Variants in RYR3 observed in about 807,000 individuals in gnomAD.
RYR3 encodes brain ryanodine receptor-calcium release channel.
Under a neutral mutation model 584.3 loss-of-function variants are expected in RYR3, and 207 were observed. That is an observed-to-expected ratio of 0.35 (90% CI 0.32 to 0.40). The LOEUF (loss-of-function observed/expected upper bound fraction) is 0.40. Among genes scored for constraint, RYR3 ranks in the 10% least tolerant of loss-of-function variants. The pLI is 1.00. For missense variants in RYR3, 5,616 were observed against 6,089.2 expected (o/e 0.92, Z 2.59); for synonymous variants, 2,416 against 2,248.5 (o/e 1.07, Z -2.11).
chr15:33,813,988 T>G (rs944898022), intron 74 of RYR3, among the ~76,000 whole-genome samples: 14 of 152,258 alleles, frequency 9.2e-5, no homozygotes, highest in African/African-American at 2.2e-4. Context: ...ACACTGAAAT[T>G]ACCATTTCCT....
intron 91 of RYR3, 69 bp downstream of exon 91, chr15:33,842,104 G>T (rs140041680): frequency 6.7e-7 from 1 of 1,493,566 alleles, no homozygotes; most frequent in Non-Finnish European, 9.1e-7. Context: ...GAGAGGTGCC[G>T]CTGATTTGTT....
intron 1 of RYR3, among the ~76,000 whole-genome samples, chr15:33,345,135 A>C (rs1972292189): frequency 6.6e-6 from 1 of 152,050 alleles, no homozygotes; most frequent in Admixed American, 6.5e-5. Context: ...GAAGTAACTG[A>C]GATAGAGTTG....
At chr15:33,391,732 A>C (rs1271325933) in intron 1 of RYR3, among the ~76,000 whole-genome samples, 4 of 152,104 alleles carry the variant, frequency 2.6e-5, no homozygotes, top group Non-Finnish European at 5.9e-5. Context: ...TTTGACTCCC[A>C]AAAGAAATTG....
Position 33,726,386 on chromosome 15 carries a change from C to T in RYR3, c.6913C>T (p.Leu2305Phe). The change falls in exon 46 of 104, where the codon CTC becomes TTC. Residue 2305 changes from leucine (L) to phenylalanine (F), a missense_variant and splice_region_variant. This residue lies in a region of RYR3 where 1,280 missense variants were observed against 1,426.2 expected (regional missense o/e 0.90). Transcript: ENST00000634891. ...TGTCATTCTCAACCCTATCTTCCAGCTCATCCAGACAGGAAAGGGGGAAGC... is the reference window on the plus strand; with the variant it reads ...TGTCATTCTCAACCCTATCTTCCAGTTCATCCAGACAGGAAAGGGGGAAGC... ...LLGRCAPEMH[L>F]IQTGKGEAIR... 1.9e-6 allele frequency: 3 copies of T among 1,613,058 alleles called. No homozygotes were observed. The highest frequency in any genetic ancestry group is 2.5e-6 in the Non-Finnish European group (3 of 1,179,572).
chr15:33,441,681 T>G (rs1016405290), intron 1 of RYR3, among the ~76,000 whole-genome samples: 5 of 152,208 alleles, frequency 3.3e-5, no homozygotes, highest in African/African-American at 1.2e-4. Context: ...TCCCTAGAAG[T>G]TCATTGTTTA....
At position 33,762,312 on chromosome 15, in the gene RYR3, A is replaced by G. The variant is rs539131411; in HGVS notation, c.8705+4716A>G. 5.3e-5 allele frequency among the ~76,000 whole-genome samples: 8 copies of G among 152,306 alleles called. No individual in the cohort carries two copies. The South Asian group carries it at 1.7e-3, about 32-fold the overall frequency. ...ATTCAAATTGGAAGAGAGAAAGGCA[A>G]ATCATCTCTGTTTGCAGATGACATG... On this transcript the variant is annotated intron_variant, in intron 60 of 103. Coordinates refer to ENST00000634891, the MANE Select transcript of RYR3 (RefSeq NM_001036.6).
intron 89 of RYR3, among the ~76,000 whole-genome samples, chr15:33,840,122 C>T (rs1332092626): frequency 1.3e-5 from 2 of 152,174 alleles, no homozygotes; most frequent in Non-Finnish European, 1.5e-5. Context: ...GTAGGCCCAA[C>T]AGAAATAGGT....
chr15:33,745,310 G>T (rs751380818), intron 52 of RYR3, among the ~76,000 whole-genome samples: 2 of 151,732 alleles, frequency 1.3e-5, no homozygotes, highest in African/African-American at 4.8e-5. Context: ...TTCTGCGCTG[G>T]AAGTACTGAT....
chr15:33,630,989 A>C (rs1341687753), intron 22 of RYR3, among the ~76,000 whole-genome samples: 1 of 152,176 alleles, frequency 6.6e-6, no homozygotes, highest in Non-Finnish European at 1.5e-5. Context: ...CATATTGCCT[A>C]TGGCTGGCTT....
intron 42 of RYR3, among the ~76,000 whole-genome samples, chr15:33,702,772 A>G (rs1315603648): frequency 1.3e-5 from 2 of 152,146 alleles, no homozygotes; most frequent in African/African-American, 4.8e-5. Flanking sequence ...GAGGACCACC[A>G]GCATATTTAA....
chr15:33,399,422 C>T (rs1324878362), intron 1 of RYR3, among the ~76,000 whole-genome samples: 1 of 152,046 alleles, frequency 6.6e-6, no homozygotes. Flanking sequence ...GGGAGGATCT[C>T]GAGGTCAGGA....
chr15:33,590,875 G>A (rs2059098133), intron 16 of RYR3, among the ~76,000 whole-genome samples: 1 of 151,972 alleles, frequency 6.6e-6, no homozygotes, highest in Non-Finnish European at 1.5e-5. Context: ...TACATATAAT[G>A]GTAGCAATTA....
Position 33,765,494 on chromosome 15 carries a change from A to T in RYR3, c.8706-3164A>T, listed in dbSNP as rs139888022. Among the ~76,000 whole-genome samples, 400 of 151,906 alleles carry T rather than the reference A, an allele frequency of 2.6e-3. 3 individuals are homozygous for T. Among genetic ancestry groups the T allele is most frequent in the African/African-American group, 9.1e-3 (377 of 41,442 alleles). On this transcript the variant is annotated intron_variant, in intron 60 of 103. Transcript: ENST00000634891. ...CTAAAAATACAAAAGTTAGCCGGGC[A>T]TGGTAGCACACACCTGTAGTCCCAG...
At chr15:33,827,035 G>T (rs577779619) in intron 84 of RYR3, among the ~76,000 whole-genome samples, 164 bp from the exon 85 acceptor site, 25 of 152,268 alleles carry the variant, frequency 1.6e-4, no homozygotes, top group South Asian at 4.2e-4. Flanking sequence ...GGTTGGGGGG[G>T]TGCTCAGAGC....
intron 64 of RYR3, among the ~76,000 whole-genome samples, chr15:33,779,288 G>A (rs1383867920): frequency 6.6e-6 from 1 of 151,896 alleles, no homozygotes; most frequent in East Asian, 1.9e-4. Flanking sequence ...GTGCAATGGT[G>A]TGATCTCAAG....
At chr15:33,778,365 T>C (rs7174824) in intron 64 of RYR3, among the ~76,000 whole-genome samples, 5,515 of 152,234 alleles carry the variant, frequency 0.036, 329 homozygotes, top group African/African-American at 0.13. Flanking sequence ...TTTCTCCTCA[T>C]TGGCCACTGT....
intron 10 of RYR3, among the ~76,000 whole-genome samples, chr15:33,561,626 G>A (rs2057403213): frequency 6.6e-6 from 1 of 152,134 alleles, no homozygotes; most frequent in Admixed American, 6.5e-5. Context: ...TTAAGAATGA[G>A]AAGAATGTGG....
intron 1 of RYR3, among the ~76,000 whole-genome samples, chr15:33,399,907 C>A: frequency 6.6e-6 from 1 of 152,058 alleles, no homozygotes; most frequent in Non-Finnish European, 1.5e-5. Context: ...CTAGGTAGGA[C>A]AGACATAGAA....
chr15:33,567,705 C>T (rs966567054), intron 12 of RYR3, among the ~76,000 whole-genome samples: 3 of 152,188 alleles, frequency 2.0e-5, no homozygotes, highest in Admixed American at 1.3e-4. Context: ...TCTTAAAGTT[C>T]ATCCCTGGAC....
Sources: allele counts gnomAD v4.1 joint callset (sites outside exome capture counted in the v4.1 genomes callset), GRCh38; gene constraint gnomAD v4.1.1; regional missense constraint gnomAD v4.1.1; transcripts MANE v1.5; gene names NCBI Gene and HGNC (gene_info 2026-07-23, HGNC 2026-07-21).